DNAJC25: variants seen among roughly 807,000 people sequenced by gnomAD.
DNAJC25 encodes dnaJ homolog subfamily C member 25.
In DNAJC25, 26 loss-of-function variants were observed where a neutral mutation model predicts 42.1. The observed-to-expected ratio is 0.62, with a 90% CI of 0.45 to 0.86. The LOEUF (loss-of-function observed/expected upper bound fraction) is 0.86. Ranked by LOEUF, DNAJC25 falls within the 40% of genes least tolerant of loss-of-function variation. The pLI is 0.00. For missense variants in DNAJC25, 404 were observed against 459.4 expected (o/e 0.88, Z 1.10); for synonymous variants, 189 against 179.9 (o/e 1.05, Z -0.40).
intron 2 of DNAJC25, among the ~76,000 whole-genome samples, 175 bp from the exon 3 acceptor site, chr9:111,649,278 A>T (rs1830611865): frequency 6.6e-6 from 1 of 152,146 alleles, no homozygotes; most frequent in Admixed American, 6.5e-5. Context: ...GATCCTGTGT[A>T]CGCATGGGCT....
chr9:111,651,864 A>AT (rs1830666549), intron 3 of DNAJC25, among the ~76,000 whole-genome samples: 2 of 151,358 alleles, frequency 1.3e-5, no homozygotes. Flanking sequence ...AAAAAAAAAA[A>AT]GTTGCATAAA....
rs775105245 is a variant in DNAJC25 at position 111,651,352 on chromosome 9, T to C, written c.960+1429T>C. Among the ~76,000 whole-genome samples, 18 of 152,216 alleles carry C rather than the reference T, an allele frequency of 1.2e-4. No homozygotes were observed. In the South Asian group the frequency reaches 1.7e-3, roughly 14 times the overall value. On this transcript the variant is annotated intron_variant, in intron 3 of 3. Coordinates refer to ENST00000313525, the MANE Select transcript of DNAJC25 (RefSeq NM_001015882.3). ...AAACTATTTGAAAAGCTTGTTCTTT[T>C]AAGTACTTTTTTAAAAGTTTAAAAG...
chr9:111,649,917 T>C lies in DNAJC25; in HGVS notation c.954T>C (p.Asn318=), dbSNP rs373130278. 25 of 1,568,832 alleles carry C rather than the reference T, an allele frequency of 1.6e-5. No individual in the cohort carries two copies. The African/African-American group carries it at 2.7e-4, about 17-fold the overall frequency. The change falls in exon 3 of 4, where the codon AAT becomes AAC. Residue 318 remains asparagine, a synonymous_variant. Transcript: ENST00000313525. The part of the protein sequence containing the change: ...FLKRELWIKE[N]YEVYKQEQEE... ...AACGAGAGCTCTGGATCAAGGAGAATTATGAGGTGAGTAGTCACCCTGCTG... is the reference window on the plus strand; with the variant it reads ...AACGAGAGCTCTGGATCAAGGAGAACTATGAGGTGAGTAGTCACCCTGCTG...
intron 3 of DNAJC25, 67 bp downstream of exon 3, chr9:111,649,990 A>G (rs1263047464): frequency 5.8e-6 from 8 of 1,377,204 alleles, no homozygotes; most frequent in Middle Eastern, 5.3e-4. Flanking sequence ...GGTGTATTAT[A>G]ATGAGGGATC....
intron 2 of DNAJC25, among the ~76,000 whole-genome samples, chr9:111,648,817 G>A (rs924930606): frequency 3.3e-5 from 5 of 152,168 alleles, no homozygotes; most frequent in African/African-American, 1.2e-4. Flanking sequence ...AATTTATGGA[G>A]GTACTATGTG....
At position 111,631,687 on chromosome 9, in the gene DNAJC25, C is replaced by T. The variant is rs761627108; in HGVS notation, c.280C>T (p.Pro94Ser). ...CGGAGACGAGGGCCCCGGGCGGACG[C>T]CGCAGAGCGCCGAGGAGGCTTTCCT... ...QPGDEGPGRTPQSAEEAFLLV... is the reference protein window; with the variant it reads ...QPGDEGPGRTSQSAEEAFLLV... Residue 94 changes from proline (P) to serine (S), a missense_variant, in exon 1 of 4, where the codon CCG (proline) becomes TCG (serine). Pro to Ser is a moderately conservative substitution (Grantham distance 74). Transcript: ENST00000313525. 5 of 1,524,668 alleles carry T rather than the reference C, an allele frequency of 3.3e-6. No individual in the cohort carries two copies. The highest frequency in any genetic ancestry group is 1.2e-5 in the South Asian group (1 of 83,840). The allele number at this position is 1,524,668 out of a possible 1,614,324, so 94.4% of individuals were successfully genotyped here.
In DNAJC25 at chr9:111,633,035, G is replaced by C. The variant is rs537968069; in HGVS notation, c.336+1292G>C. ...GAGGGATGGCTGGGGAACTGGGAAAGTGCTGAGGCCCCAAAGGGCTTTGTT... is the reference window on the plus strand; with the variant it reads ...GAGGGATGGCTGGGGAACTGGGAAACTGCTGAGGCCCCAAAGGGCTTTGTT... On this transcript the variant is annotated intron_variant, in intron 1 of 3. Coordinates refer to ENST00000313525, the MANE Select transcript of DNAJC25 (RefSeq NM_001015882.3). Among the ~76,000 whole-genome samples the C allele has an allele frequency of 2.0e-5, 3 of 152,306 alleles. No homozygotes were observed. In the South Asian group the frequency reaches 6.2e-4, roughly 32 times the overall value.
At position 111,653,148 on chromosome 9, in the gene DNAJC25, G is replaced by T. The variant is rs776411405; in HGVS notation, c.1009G>T (p.Asp337Tyr). ...EEELKKKLAN[D>Y]PRWKRYRRWM... ...AGAATTAAAGAAAAAGTTGGCAAAT[G>T]ACCCCAGATGGAAGAGATACAGGAG... is the stretch of plus-strand genomic sequence containing the variant. Residue 337 changes from aspartate to tyrosine, a missense_variant, in exon 4 of 4, where the codon GAC becomes TAC. Physicochemically the swap from Asp to Tyr is radical, Grantham distance 160. Coordinates refer to ENST00000313525, the MANE Select transcript of DNAJC25 (RefSeq NM_001015882.3). 6.2e-7 allele frequency: 1 copy of T among 1,602,650 alleles called. No homozygotes were observed. The highest frequency in any genetic ancestry group is 1.7e-5 in the Admixed American group (1 of 59,062).
chr9:111,649,725 T>A lies in DNAJC25; in HGVS notation c.762T>A (p.Phe254Leu). The stretch of plus-strand genomic sequence containing the variant: ...TGTTTCAAATTATCTTAGCTCCTTT[T>A]CACCTATGCTCATATATAGTTTGGT... ...LLLFQIILAP[F>L]HLCSYIVWYC... Residue 254 changes from phenylalanine to leucine, a missense_variant, in exon 3 of 4, where the codon TTT becomes TTA. Physicochemically the swap from Phe to Leu is conservative, Grantham distance 22 (BLOSUM62 0). Coordinates refer to ENST00000313525, the MANE Select transcript of DNAJC25 (RefSeq NM_001015882.3). 6.2e-7 allele frequency: 1 copy of A among 1,614,176 alleles called. No individual in the cohort carries two copies. Among genetic ancestry groups the A allele is most frequent in the Non-Finnish European group, 8.5e-7 (1 of 1,180,028 alleles).
At chr9:111,647,936 A>G (rs756761957) in intron 2 of DNAJC25, among the ~76,000 whole-genome samples, 3 of 151,910 alleles carry the variant, frequency 2.0e-5, no homozygotes, top group Non-Finnish European at 4.4e-5. Flanking sequence ...GCACCACCAC[A>G]CCCGGCTAGT....
rs181945120 is a variant in DNAJC25 at position 111,652,084 on chromosome 9, A to T, written c.961-1016A>T. On this transcript the variant is annotated intron_variant, in intron 3 of 3. Transcript: ENST00000313525. Reference sequence around the variant, plus strand: ...CAGTTAAATTTACAAAGACTATATTAAAAAAATAAAGTTTTGATTCTTTAA... The same window carrying T: ...CAGTTAAATTTACAAAGACTATATTTAAAAAATAAAGTTTTGATTCTTTAA... Among the ~76,000 whole-genome samples the T allele has an allele frequency of 3.7e-3, 556 of 152,256 alleles. 13 individuals carry two copies. The highest frequency in any genetic ancestry group is 0.033 in the Admixed American group (499 of 15,288).
intron 3 of DNAJC25, among the ~76,000 whole-genome samples, chr9:111,651,140 T>C (rs752656632): frequency 2.6e-5 from 4 of 151,526 alleles, no homozygotes; most frequent in Admixed American, 6.6e-5. Flanking sequence ...GGTGCGTGCA[T>C]GTAATCCTAG....
chr9:111,641,259 C>T (rs1195952896), intron 1 of DNAJC25, among the ~76,000 whole-genome samples: 185 of 143,802 alleles, frequency 1.3e-3, no homozygotes, highest in Non-Finnish European at 2.3e-3. Context: ...CCAGCCGCCC[C>T]GTCTGGGAGG....
Position 111,649,675 on chromosome 9 carries a change from A to T in DNAJC25, c.712A>T (p.Lys238Ter). ...AATAGATATAAAGGGGGGCTATCAG[A>T]AACCCCAAATCTGTGATCTTCTCCT... ...SKIDIKGGYQ[K>*]PQICDLLLFQ... The change falls in exon 3 of 4, where the codon AAA becomes TAA. Residue 238 changes from lysine to a stop codon, truncating the protein, a stop_gained. Coordinates refer to ENST00000313525, the MANE Select transcript of DNAJC25 (RefSeq NM_001015882.3). LOFTEE classifies it high-confidence loss of function. The T allele has an allele frequency of 6.2e-7, 1 of 1,614,050 alleles. No individual in the cohort carries two copies. The highest frequency in any genetic ancestry group is 8.5e-7 in the Non-Finnish European group (1 of 1,179,984).
At chr9:111,647,341 C>A in intron 2 of DNAJC25, 82 bp downstream of exon 2, 1 of 1,466,224 alleles carries the variant, frequency 6.8e-7, no homozygotes, top group Non-Finnish European at 9.2e-7. Flanking sequence ...AACCTAACTG[C>A]GAGTATCTTC....
In DNAJC25 at chr9:111,647,162, A is replaced by G. The variant is rs761572415; in HGVS notation, c.392A>G (p.Tyr131Cys). 2 of 1,614,222 alleles carry G rather than the reference A, an allele frequency of 1.2e-6. No individual in the cohort carries two copies. The highest frequency in any genetic ancestry group is 1.7e-6 in the Non-Finnish European group (2 of 1,180,030). Residue 131 changes from tyrosine to cysteine, a missense_variant, in exon 2 of 4, where the codon TAC becomes TGC. Coordinates refer to ENST00000313525, the MANE Select transcript of DNAJC25 (RefSeq NM_001015882.3). ...DYMLDHPEEYYSHYYHYYSRR... is the reference protein window; with the variant it reads ...DYMLDHPEEYCSHYYHYYSRR... Reference sequence around the variant, plus strand: ...ATGCTGGATCATCCAGAAGAGTACTACAGCCATTACTACCACTACTATAGC... The same window carrying G: ...ATGCTGGATCATCCAGAAGAGTACTGCAGCCATTACTACCACTACTATAGC...
At position 111,631,501 on chromosome 9, in the gene DNAJC25, C is replaced by A; in HGVS notation, c.94C>A (p.Leu32Met). ...GGCGCCCCTGCTGCCGGCGCTGCTGCTGGTGCGGCCCGCGGGGGCCCTGGT... is the reference window on the plus strand; with the variant it reads ...GGCGCCCCTGCTGCCGGCGCTGCTGATGGTGCGGCCCGCGGGGGCCCTGGT... ...LLAPLLPALLLVRPAGALVEG... is the reference protein window; with the variant it reads ...LLAPLLPALLMVRPAGALVEG... The change falls in exon 1 of 4, where the codon CTG becomes ATG. Residue 32 changes from leucine (L) to methionine (M), a missense_variant. Physicochemically the swap from Leu to Met is conservative, Grantham distance 15 (BLOSUM62 2). Transcript: ENST00000313525. 7.5e-7 allele frequency: 1 copy of A among 1,330,416 alleles called. No homozygotes were observed. 82.4% of individuals were successfully genotyped at this position (1,330,416 alleles called of 1,614,324 possible). A position where few individuals can be genotyped will look rare whatever the true frequency, so the allele number is the denominator to read the frequency against.
chr9:111,635,916 T>TAG (rs1830355348), intron 1 of DNAJC25, among the ~76,000 whole-genome samples: 1 of 152,214 alleles, frequency 6.6e-6, no homozygotes, highest in African/African-American at 2.4e-5. Flanking sequence ...CCTGCCCTGT[T>TAG]ACGTTTCTGT....
At chr9:111,643,688 A>G (rs2131264916) in intron 1 of DNAJC25, among the ~76,000 whole-genome samples, 1 of 152,170 alleles carries the variant, frequency 6.6e-6, no homozygotes, top group African/African-American at 2.4e-5. Flanking sequence ...GCCTGGTGGC[A>G]TGCAAAGGAA....
Sources: gnomAD v4.1 joint callset for allele counts (sites outside exome capture counted in the v4.1 genomes callset) on GRCh38, gnomAD v4.1.1 for gene constraint, MANE v1.5 for transcripts, NCBI Gene and HGNC (gene_info 2026-07-23, HGNC 2026-07-21) for gene names.